SLC39A10: variants seen among roughly 807,000 people sequenced by gnomAD.
SLC39A10 encodes solute carrier family 39 member 10, also known as zinc transporter ZIP10.
In SLC39A10, 13 loss-of-function variants were observed where a neutral mutation model predicts 65.1. The ratio of observed to expected loss-of-function variants is 0.20; its 90% CI spans 0.13 to 0.32. The LOEUF (loss-of-function observed/expected upper bound fraction) is 0.32, where lower values mean the gene tolerates loss of function less well. SLC39A10 is among the 10% of genes least tolerant of loss of function. The pLI is 1.00. For missense variants in SLC39A10, 831 were observed against 1,018.4 expected, an observed-to-expected ratio of 0.82 and a Z score of 2.50; for synonymous variants, 321 against 342.2, an observed-to-expected ratio of 0.94 and a Z score of 0.68.
intron 8 of SLC39A10, among the ~76,000 whole-genome samples, chr2:195,721,523 G>A (rs1231170453): frequency 6.6e-5 from 10 of 151,382 alleles, no homozygotes; most frequent in Non-Finnish European, 2.9e-5. Context: ...TTGCTTTCTC[G>A]GGGTCCTTCA....
intron 2 of SLC39A10, among the ~76,000 whole-genome samples, chr2:195,636,540 A>C (rs1161700098): frequency 6.6e-6 from 1 of 151,934 alleles, no homozygotes; most frequent in African/African-American, 2.4e-5. Flanking sequence ...TCACAAGGTC[A>C]GGAGGTCGAG....
intron 2 of SLC39A10, among the ~76,000 whole-genome samples, chr2:195,682,303 A>G (rs936024468): frequency 6.6e-6 from 1 of 152,162 alleles, no homozygotes; most frequent in Admixed American, 6.5e-5. Flanking sequence ...TGTCGTTGAG[A>G]TATGTTTTAT....
chr2:195,683,909 A>T lies in SLC39A10; in HGVS notation c.1216+3A>T, dbSNP rs780731701. On this transcript the variant is annotated splice_donor_region_variant and intron_variant, in intron 3 of 9. Transcript: ENST00000359634. ...TGAGGCAAATATAGGGGCATCAGGTAAGAGAGATTTTAAGTTTTTTCTCCT... is the reference window on the plus strand; with the variant it reads ...TGAGGCAAATATAGGGGCATCAGGTTAGAGAGATTTTAAGTTTTTTCTCCT... The T allele has an allele frequency of 1.2e-6, 2 of 1,604,630 alleles. No individual in the cohort carries two copies. Among genetic ancestry groups the T allele is most frequent in the Non-Finnish European group, 1.7e-6 (2 of 1,175,788 alleles).
chr2:195,636,005 A>G (rs1688690296), intron 2 of SLC39A10, among the ~76,000 whole-genome samples: 1 of 152,208 alleles, frequency 6.6e-6, no homozygotes, highest in Non-Finnish European at 1.5e-5. Context: ...ATACTAGGCC[A>G]AAAGATCTAA....
rs760868462 is a variant in SLC39A10, at chr2:195,717,055, T to G, written c.2065+50T>G. 7 of 1,556,930 alleles carry G rather than the reference T, an allele frequency of 4.5e-6. No individual in the cohort carries two copies. In the Admixed American group the frequency reaches 1.2e-4, roughly 26 times the overall value. On this transcript the variant is annotated intron_variant, in intron 7 of 9. Coordinates refer to ENST00000359634, the MANE Select transcript of SLC39A10 (RefSeq NM_020342.3). ...TATGCTAATCTTATGGACTATAATA[T>G]GTATGATTAAATTTGGCTGGAGCTT...
At chr2:195,711,589 T>C (rs1230415362) in intron 5 of SLC39A10, among the ~76,000 whole-genome samples, 2 of 152,194 alleles carry the variant, frequency 1.3e-5, no homozygotes, top group African/African-American at 2.4e-5. Flanking sequence ...TGGCATTCTT[T>C]TGAAGAAAGG....
intron 2 of SLC39A10, among the ~76,000 whole-genome samples, chr2:195,650,873 G>C (rs1016123798): frequency 5.3e-5 from 8 of 151,644 alleles, no homozygotes; most frequent in Non-Finnish European, 1.2e-4. Context: ...TGTGGAAGAG[G>C]ATGGCCTTCC....
At chr2:195,700,126 CTCT>C (rs1691119663) in intron 3 of SLC39A10, among the ~76,000 whole-genome samples, 1 of 152,062 alleles carries the variant, frequency 6.6e-6, no homozygotes, top group Non-Finnish European at 1.5e-5. Context: ...TAAAGTGAGT[CTCT>C]TGTATATAAC....
In SLC39A10 at chr2:195,728,457, A is replaced by G; in HGVS notation, c.2337+108A>G. The G allele has an allele frequency of 9.6e-7, 1 of 1,045,770 alleles. No homozygotes were observed. 64.8% of individuals were successfully genotyped at this position (1,045,770 alleles called of 1,614,324 possible). A position where few individuals can be genotyped will look rare whatever the true frequency, so the allele number is the denominator to read the frequency against. On this transcript the variant is annotated intron_variant, in intron 9 of 9. Transcript: ENST00000359634. The surrounding 1 kb of genome is among the most constrained non-coding windows in gnomAD (Gnocchi z 4.4). ...TGAAAATATAACTCATTTTAAAGACATAATATCCTAAATAATCTCTTAAGG... is the reference window on the plus strand; with the variant it reads ...TGAAAATATAACTCATTTTAAAGACGTAATATCCTAAATAATCTCTTAAGG...
intron 2 of SLC39A10, among the ~76,000 whole-genome samples, chr2:195,644,340 T>A (rs1443168677): frequency 7.6e-6 from 1 of 131,826 alleles, no homozygotes; most frequent in East Asian, 2.3e-4. Context: ...CAAATAAATT[T>A]TTTTTTTTTT....
intron 3 of SLC39A10, among the ~76,000 whole-genome samples, chr2:195,686,554 A>G (rs916515221): frequency 2.0e-5 from 3 of 152,236 alleles, no homozygotes; most frequent in Non-Finnish European, 2.9e-5. Context: ...GTCTCAAAAC[A>G]AAACAAAACA....
chr2:195,699,743 T>G (rs72913241), intron 3 of SLC39A10, among the ~76,000 whole-genome samples: 1 of 152,220 alleles, frequency 6.6e-6, no homozygotes, highest in Non-Finnish European at 1.5e-5. Flanking sequence ...GATGAATGTT[T>G]CTAGTGCTGT....
At chr2:195,623,901 CCACA>C (rs67959883) in intron 2 of SLC39A10, among the ~76,000 whole-genome samples, 55,819 of 142,708 alleles carry the variant, frequency 0.39, 11,361 homozygotes, top group Non-Finnish European at 0.48. Context: ...AAACAAAAAA[CCACA>C]CACACACACA....
At chr2:195,651,068 C>G (rs1689020563) in intron 2 of SLC39A10, among the ~76,000 whole-genome samples, 1 of 150,460 alleles carries the variant, frequency 6.6e-6, no homozygotes, top group South Asian at 2.1e-4. Flanking sequence ...GAGACCCCGT[C>G]TCAAAAAAAA....
intron 8 of SLC39A10, 65 bp downstream of exon 8, chr2:195,718,397 A>T (rs183441833): frequency 8.0e-7 from 1 of 1,249,774 alleles, no homozygotes; most frequent in East Asian, 2.4e-5. Context: ...TTGTAATTGC[A>T]TTCAAATTTC....
chr2:195,623,327 CTAAGTG>C (rs902290566), intron 2 of SLC39A10, among the ~76,000 whole-genome samples: 21 of 152,234 alleles, frequency 1.4e-4, no homozygotes, highest in African/African-American at 5.1e-4. Context: ...AGTTTCCCTC[CTAAGTG>C]TAAGTAGTAA....
chr2:195,679,454 T>G (rs1484600445), intron 1 of SLC39A10, among the ~76,000 whole-genome samples: 2 of 152,216 alleles, frequency 1.3e-5, no homozygotes, highest in African/African-American at 4.8e-5. Flanking sequence ...GGAATACATC[T>G]TAGCCGTTCT....
intron 8 of SLC39A10, among the ~76,000 whole-genome samples, chr2:195,725,731 T>C (rs924991290): frequency 3.3e-5 from 5 of 152,174 alleles, no homozygotes; most frequent in Admixed American, 3.3e-4. Context: ...CTGGTGAATA[T>C]AGATAAATAA....
intron 2 of SLC39A10, among the ~76,000 whole-genome samples, chr2:195,616,606 G>A (rs2105681517): frequency 6.7e-6 from 1 of 150,314 alleles, no homozygotes; most frequent in Non-Finnish European, 1.5e-5. Flanking sequence ...CGCCTGGCCT[G>A]GATTTATCTT....
Sources: gnomAD v4.1 joint callset for allele counts (sites outside exome capture counted in the v4.1 genomes callset) on GRCh38, gnomAD v4.1.1 for gene constraint, Gnocchi (gnomAD v3.1) non-coding constraint, MANE v1.5 for transcripts, NCBI Gene and HGNC (gene_info 2026-07-23, HGNC 2026-07-21) for gene names.